Variants in MYLK3 observed in about 807,000 individuals in gnomAD.
MYLK3 encodes the protein myosin light chain kinase 3.
In MYLK3, 55 loss-of-function variants were observed where a neutral mutation model predicts 76.3. The observed-to-expected ratio is 0.72, with a 90% CI of 0.58 to 0.90. MYLK3 has a LOEUF of 0.90. Among genes scored for constraint, MYLK3 ranks in the 40% least tolerant of loss-of-function variants. The pLI, the probability that MYLK3 is intolerant of heterozygous loss-of-function variation, is 0.00. For missense variants in MYLK3, 973 were observed against 1,053.6 expected (o/e 0.92, Z 1.06); for synonymous variants, 416 against 425.4 (o/e 0.98, Z 0.27).
intron 10 of MYLK3, among the ~76,000 whole-genome samples, chr16:46,712,007 TTGA>T (rs1350985910): frequency 6.6e-6 from 1 of 150,988 alleles, no homozygotes; most frequent in Non-Finnish European, 1.5e-5. Context: ...TTTTTTTTTT[TTGA>T]GACATGGTCT....
intron 8 of MYLK3, 94 bp from the exon 9 acceptor site, chr16:46,721,287 A>G: frequency 8.2e-7 from 1 of 1,220,706 alleles, no homozygotes; most frequent in Non-Finnish European, 1.2e-6. Flanking sequence ...CCAGCCTTCA[A>G]GGGACATGAA....
chr16:46,709,751 G>A (rs759614024), intron 11 of MYLK3, 80 bp from the exon 12 acceptor site: 12 of 1,508,936 alleles, frequency 8.0e-6, no homozygotes, highest in South Asian at 1.2e-5. Context: ...TGAGTAGGAA[G>A]CCTGAGTCAG....
chr16:46,716,843 A>T (rs143541212), intron 9 of MYLK3, among the ~76,000 whole-genome samples: 1 of 152,244 alleles, frequency 6.6e-6, no homozygotes, highest in African/African-American at 2.4e-5. Context: ...ATGCCTCCAT[A>T]AAACCCCAAG....
rs1488151707 is a variant in MYLK3, at chr16:46,707,359, T to C, written c.*345A>G. On this transcript the variant is annotated 3_prime_UTR_variant, in exon 13 of 13. Transcript: ENST00000394809. ...ACTGAATAACATGGCCCCTGCAAAGTAGTCTACTGAGTTCCTTAATCAGTG... is the reference window on the plus strand; with the variant it reads ...ACTGAATAACATGGCCCCTGCAAAGCAGTCTACTGAGTTCCTTAATCAGTG... 5.3e-6 allele frequency: 1 copy of C among 188,214 alleles called. No homozygotes were observed. Among genetic ancestry groups the C allele is most frequent in the East Asian group, 1.4e-4 (1 of 7,370 alleles). 11.7% of individuals were successfully genotyped at this position (188,214 alleles called of 1,614,324 possible).
intron 4 of MYLK3, among the ~76,000 whole-genome samples, chr16:46,731,262 A>T (rs972806650): frequency 2.6e-5 from 4 of 152,242 alleles, no homozygotes; most frequent in Admixed American, 6.5e-5. Context: ...GGGGGTGGAC[A>T]GGGGATCTGT....
chr16:46,725,122 C>A (rs1427979607), intron 8 of MYLK3, among the ~76,000 whole-genome samples: 2 of 152,068 alleles, frequency 1.3e-5, no homozygotes, highest in Non-Finnish European at 2.9e-5. Context: ...TTTAGAAATA[C>A]AATTGATTTT....
intron 1 of MYLK3, among the ~76,000 whole-genome samples, chr16:46,745,029 T>C (rs533603277): frequency 2.0e-5 from 3 of 151,490 alleles, no homozygotes; most frequent in Non-Finnish European, 4.4e-5. Flanking sequence ...AAAAAAAACA[T>C]GCACAATAAT....
In MYLK3 at chr16:46,734,342, A is replaced by G. The variant is rs1208208559; in HGVS notation, c.1002-1674T>C. 5.3e-5 allele frequency among the ~76,000 whole-genome samples: 8 copies of G among 152,208 alleles called. No individual in the cohort carries two copies. The East Asian group carries it at 1.5e-3, about 29-fold the overall frequency. On this transcript the variant is annotated intron_variant, in intron 3 of 12. Coordinates refer to ENST00000394809, the MANE Select transcript of MYLK3 (RefSeq NM_182493.3). ...AAAGACAAATCCTGTGGCCAGGTGC[A>G]GTGGCTCACATCTGTAATCCCAGCG...
chr16:46,707,666 A>C lies in MYLK3; in HGVS notation c.*38T>G. 6.8e-7 allele frequency: 1 copy of C among 1,460,808 alleles called. No homozygotes were observed. The highest frequency in any genetic ancestry group is 1.2e-5 in the South Asian group (1 of 84,484). 90.5% of individuals were successfully genotyped at this position (1,460,808 alleles called of 1,614,324 possible). A position where few individuals can be genotyped will look rare whatever the true frequency, so the allele number is the denominator to read the frequency against. On this transcript the variant is annotated 3_prime_UTR_variant, in exon 13 of 13. Coordinates refer to ENST00000394809, the MANE Select transcript of MYLK3 (RefSeq NM_182493.3). ...ATCTCTTCACTTCACCACTGGCCTC[A>C]GTAATTTCTGGACCCATTGGAGCAG...
chr16:46,721,485 T>A (rs766443694), intron 8 of MYLK3, among the ~76,000 whole-genome samples: 2 of 152,160 alleles, frequency 1.3e-5, no homozygotes, highest in African/African-American at 2.4e-5. Context: ...AGTTTTTCAG[T>A]CCTCAAGAGA....
rs1491096554 is a variant in MYLK3, at chr16:46,706,247, G to GTGTGTGTGTGTGTT, written c.*1443_*1456dup. The GTGTGTGTGTGTGTT allele has an allele frequency of 6.7e-6, 1 of 149,460 alleles. No homozygotes were observed. Among genetic ancestry groups the GTGTGTGTGTGTGTT allele is most frequent in the Non-Finnish European group, 1.5e-5 (1 of 67,374 alleles). 9.3% of individuals were successfully genotyped at this position (149,460 alleles called of 1,614,324 possible). On this transcript the variant is annotated 3_prime_UTR_variant, in exon 13 of 13. Transcript: ENST00000394809. ...AATACCCATACACACATATGTGTTC[G>GTGTGTGTGTGTGTT]TGTGTGTGTGTGTTTGTGTGTGTGT... is the stretch of plus-strand genomic sequence containing the variant.
chr16:46,722,484 T>C (rs1966809264), intron 8 of MYLK3, among the ~76,000 whole-genome samples: 1 of 152,238 alleles, frequency 6.6e-6, no homozygotes, highest in Non-Finnish European at 1.5e-5. Flanking sequence ...AATGGGGTTG[T>C]ACAATTCCTC....
chr16:46,732,111 T>A (rs1405186524), intron 4 of MYLK3, 97 bp downstream of exon 4: 1 of 1,061,738 alleles, frequency 9.4e-7, no homozygotes, highest in South Asian at 1.6e-5. Context: ...ACTCATATGA[T>A]CTACCCCTGG....
intron 9 of MYLK3, among the ~76,000 whole-genome samples, chr16:46,720,812 T>G (rs1258075922): frequency 6.6e-6 from 1 of 152,124 alleles, no homozygotes; most frequent in African/African-American, 2.4e-5. Context: ...GGGGAACCCA[T>G]AGAACTAAGC....
chr16:46,708,681 C>T (rs1028850586), intron 12 of MYLK3, among the ~76,000 whole-genome samples: 1 of 152,118 alleles, frequency 6.6e-6, no homozygotes, highest in African/African-American at 2.4e-5. Flanking sequence ...TGTGTACTGG[C>T]TCCATACATA....
In MYLK3 at chr16:46,739,306, G is replaced by A. The variant is rs181832729; in HGVS notation, c.568+751C>T. Among the ~76,000 whole-genome samples, 3 of 152,188 alleles carry A rather than the reference G, an allele frequency of 2.0e-5. No homozygotes were observed. In the East Asian group the frequency reaches 5.8e-4, roughly 29 times the overall value. Reference sequence around the variant, plus strand: ...CTGGCCTCTAGACTTCTCTTAATACGCATTGTTTTGTCTATTTGACTTTGG... The same window carrying A: ...CTGGCCTCTAGACTTCTCTTAATACACATTGTTTTGTCTATTTGACTTTGG... On this transcript the variant is annotated intron_variant, in intron 2 of 12. Coordinates refer to ENST00000394809, the MANE Select transcript of MYLK3 (RefSeq NM_182493.3).
intron 5 of MYLK3, among the ~76,000 whole-genome samples, chr16:46,730,305 C>T (rs1057472894): frequency 2.0e-5 from 3 of 152,178 alleles, no homozygotes; most frequent in Non-Finnish European, 2.9e-5. Context: ...GTCGGCTTTC[C>T]GGCCACCTCC....
intron 9 of MYLK3, among the ~76,000 whole-genome samples, chr16:46,720,230 T>A (rs1461662375): frequency 6.6e-6 from 1 of 152,188 alleles, no homozygotes; most frequent in Non-Finnish European, 1.5e-5. Flanking sequence ...TTTATTTATT[T>A]TTAGACAGGG....
chr16:46,723,405 T>C (rs1451041975), intron 8 of MYLK3, among the ~76,000 whole-genome samples: 2 of 152,300 alleles, frequency 1.3e-5, no homozygotes, highest in East Asian at 3.9e-4. Context: ...TTAATGAATA[T>C]CTGGGTTGTT....
Sources: gnomAD v4.1 joint callset for allele counts (sites outside exome capture counted in the v4.1 genomes callset) on GRCh38, gnomAD v4.1.1 for gene constraint, MANE v1.5 for transcripts, NCBI Gene and HGNC (gene_info 2026-07-23, HGNC 2026-07-21) for gene names.